The following MLIP variants were observed in gnomAD, a reference collection of about 807,000 sequenced individuals.
The protein encoded by MLIP is muscular LMNA interacting protein.
In MLIP, 79 loss-of-function variants were observed where a neutral mutation model predicts 84.8. The observed-to-expected ratio is 0.93, with a 90% CI of 0.78 to 1.12. The LOEUF is 1.12. Among genes scored for constraint, MLIP ranks in the 50% most tolerant of loss-of-function variants. The probability of loss-of-function intolerance (pLI) is 0.00; values close to 1 mark genes in which losing one functional copy is unlikely to be tolerated. For synonymous variants in MLIP, 504 were observed against 463.0 expected (o/e 1.09, Z -1.14); for missense variants, 1,257 against 1,160.6 (o/e 1.08, Z -1.21).
At chr6:54,054,430 C>G (rs368277739) in intron 1 of MLIP, among the ~76,000 whole-genome samples, 4 of 131,290 alleles carry the variant, frequency 3.0e-5, no homozygotes, top group Admixed American at 7.6e-5. Flanking sequence ...GAAAAAAAGG[C>G]AAAAAAAAAA....
chr6:54,105,304 G>A (rs1768931014), intron 1 of MLIP, among the ~76,000 whole-genome samples: 1 of 152,154 alleles, frequency 6.6e-6, no homozygotes, highest in African/African-American at 2.4e-5. Context: ...CTCTTTGTAA[G>A]GGCTGTGAAC....
rs529601742 is a variant in MLIP at position 54,073,197 on chromosome 6, C to T, written c.64-48250C>T. Among the ~76,000 whole-genome samples the T allele has an allele frequency of 2.6e-5, 4 of 152,264 alleles. No homozygotes were observed. The East Asian group carries it at 7.7e-4, about 29-fold the overall frequency. ...GAGCTGGGGGGTGGAACTTGGAGTT[C>T]CTTTTTGCAGTTGCAAGCTGATCCT... On this transcript the variant is annotated intron_variant, in intron 1 of 12. Transcript: ENST00000274897.
At chr6:54,071,690 T>C (rs533310993) in intron 1 of MLIP, among the ~76,000 whole-genome samples, 1 of 152,274 alleles carries the variant, frequency 6.6e-6, no homozygotes, top group African/African-American at 2.4e-5. Context: ...CCTGGTAACA[T>C]CTTTGGCGGT....
rs77657694 is a variant in MLIP at position 54,137,680 on chromosome 6, C to T, written c.1611C>T (p.Leu537=). ...CTACTTTGAAGAGCAATACCATGCT[C>T]TCCCTGCTACAAACCAGTACATCCA... is the stretch of plus-strand genomic sequence containing the variant. ...PSPTLKSNTM[L]SLLQTSTSSS... Residue 537 remains leucine (L), a synonymous_variant, in exon 4 of 14, where the codon CTC becomes CTT. Coordinates refer to ENST00000502396, the MANE Select transcript of MLIP (RefSeq NM_001281747.2). 9,726 of 1,536,080 alleles carry T rather than the reference C, an allele frequency of 6.3e-3. 472 individuals carry two copies. The African/African-American group carries it at 0.11, about 17-fold the overall frequency.
chr6:54,093,881 C>T (rs544718600), intron 1 of MLIP, among the ~76,000 whole-genome samples: 1 of 152,254 alleles, frequency 6.6e-6, no homozygotes, highest in Admixed American at 6.5e-5. Context: ...GCCCACAAAG[C>T]CTAAAATGTT....
intron 13 of MLIP, among the ~76,000 whole-genome samples, chr6:54,263,981 G>A (rs1582664705): frequency 6.6e-6 from 1 of 152,072 alleles, no homozygotes; most frequent in African/African-American, 2.4e-5. Flanking sequence ...AATGAGATTG[G>A]CAAATAAACC....
intron 3 of MLIP, among the ~76,000 whole-genome samples, chr6:54,125,264 C>T (rs921651731): frequency 5.9e-5 from 9 of 152,016 alleles, no homozygotes; most frequent in Admixed American, 1.3e-4. Context: ...AGTGAAAAGA[C>T]GGTAATTGGA....
At chr6:54,120,226 G>A (rs1770314933) in intron 1 of MLIP, among the ~76,000 whole-genome samples, 2 of 144,722 alleles carry the variant, frequency 1.4e-5, no homozygotes, top group African/African-American at 5.0e-5. Flanking sequence ...CTAGGCTTGC[G>A]ACTTCTTTTT....
chr6:54,084,524 A>G (rs1455241869), intron 1 of MLIP, among the ~76,000 whole-genome samples: 1 of 152,158 alleles, frequency 6.6e-6, no homozygotes, highest in African/African-American at 2.4e-5. Flanking sequence ...TCCACCATGA[A>G]TGCATTCCAG....
chr6:54,184,268 C>T (rs1213011635), intron 9 of MLIP, among the ~76,000 whole-genome samples: 1 of 152,116 alleles, frequency 6.6e-6, no homozygotes, highest in African/African-American at 2.4e-5. Flanking sequence ...TCAAACCTGA[C>T]ATTATATTCA....
chr6:54,033,926 A>G (rs1297463270), intron 1 of MLIP, among the ~76,000 whole-genome samples: 2 of 152,224 alleles, frequency 1.3e-5, no homozygotes, highest in Admixed American at 6.5e-5. Flanking sequence ...ACATTCTTCT[A>G]AATTTACCTA....
intron 1 of MLIP, among the ~76,000 whole-genome samples, chr6:54,035,505 G>T (rs902124736): frequency 1.3e-5 from 2 of 152,100 alleles, no homozygotes; most frequent in East Asian, 1.9e-4. Flanking sequence ...GAGACATATG[G>T]TAAGTCCATT....
At chr6:54,083,393 A>C (rs1561916101) in intron 1 of MLIP, 1 of 1,345,418 alleles carries the variant, frequency 7.4e-7, no homozygotes, top group Non-Finnish European at 1.0e-6. Context: ...TTTCCAGTCC[A>C]GAGTTGTTGG....
upstream of MLIP, among the ~76,000 whole-genome samples, chr6:54,111,139 T>C (rs1769427105): frequency 6.6e-6 from 1 of 152,218 alleles, no homozygotes; most frequent in South Asian, 2.1e-4. Context: ...CAATCTGGCT[T>C]TTCTCTTCTT....
Position 54,189,914 on chromosome 6 carries a change from G to A in MLIP, c.2589G>A (p.Leu863=), listed in dbSNP as rs1380359118. ...CTTCTACAGTATCTGAGAGTCAGCTGGTATGTATCTTCTAAGTCACAGATC... is the reference window on the plus strand; with the variant it reads ...CTTCTACAGTATCTGAGAGTCAGCTAGTATGTATCTTCTAAGTCACAGATC... ...SPSSTVSESQ[L]TKPGVIRPVP... Residue 863 remains leucine (L), a splice_region_variant and synonymous_variant, in exon 10 of 14, where the codon CTG becomes CTA. Transcript: ENST00000502396. 8.1e-6 allele frequency: 13 copies of A among 1,598,538 alleles called. No homozygotes were observed. The highest frequency in any genetic ancestry group is 1.1e-5 in the Non-Finnish European group (13 of 1,166,932).
At chr6:54,064,358 C>T (rs1488198498) in intron 1 of MLIP, among the ~76,000 whole-genome samples, 3 of 100,206 alleles carry the variant, frequency 3.0e-5, no homozygotes, top group African/African-American at 7.7e-5. Context: ...TGCTGCCCTG[C>T]ACAATCAATG....
At position 54,124,518 on chromosome 6, in the gene MLIP, G is replaced by A; in HGVS notation, c.298G>A (p.Glu100Lys). The A allele has an allele frequency of 6.2e-7, 1 of 1,614,120 alleles. No individual in the cohort carries two copies. The highest frequency in any genetic ancestry group is 8.5e-7 in the Non-Finnish European group (1 of 1,179,992). The change falls in exon 3 of 14, where the codon GAG becomes AAG. Residue 100 changes from glutamate to lysine, a missense_variant. Transcript: ENST00000502396. ...YLTLNAGSQQ[E>K]RDQAKLTCPS... ...GACCTTGAATGCTGGGAGCCAACAA[G>A]AGAGAGACCAAGCGAAATTGACTTG... is the stretch of plus-strand genomic sequence containing the variant.
chr6:54,042,938 G>A (rs928926266), intron 1 of MLIP, among the ~76,000 whole-genome samples: 2 of 152,162 alleles, frequency 1.3e-5, no homozygotes, highest in Admixed American at 1.3e-4. Context: ...GGAACCACGA[G>A]TAGTAAAGGA....
intron 1 of MLIP, among the ~76,000 whole-genome samples, chr6:54,044,019 A>G (rs1764894052): frequency 6.6e-6 from 1 of 152,188 alleles, no homozygotes; most frequent in Non-Finnish European, 1.5e-5. Flanking sequence ...CTTAAAGTGT[A>G]CCAGAAATGA....
Sources: gnomAD v4.1 joint callset for allele counts (sites outside exome capture counted in the v4.1 genomes callset) on GRCh38, gnomAD v4.1.1 for gene constraint, MANE v1.5 for transcripts, NCBI Gene and HGNC (gene_info 2026-07-23, HGNC 2026-07-21) for gene names.